Variants in KIRREL3 observed in about 807,000 individuals in gnomAD.
The protein encoded by KIRREL3 is kirre like nephrin family adhesion molecule 3.
In KIRREL3, 36 loss-of-function variants were observed where a neutral mutation model predicts 89.7. The ratio of observed to expected loss-of-function variants is 0.40; its 90% CI spans 0.31 to 0.53. The LOEUF (loss-of-function observed/expected upper bound fraction) is 0.53, where lower values mean the gene tolerates loss of function less well. Among genes scored for constraint, KIRREL3 ranks in the 20% least tolerant of loss-of-function variants. The probability of loss-of-function intolerance (pLI) is 0.49; values close to 1 mark genes in which losing one functional copy is unlikely to be tolerated. For synonymous variants in KIRREL3, 445 were observed against 441.4 expected (o/e 1.01, Z -0.10); for missense variants, 864 against 1,056.6 (o/e 0.82, Z 2.53).
chr11:126,596,493 G>A (rs1289324466), intron 1 of KIRREL3, among the ~76,000 whole-genome samples: 1 of 152,236 alleles, frequency 6.6e-6, no homozygotes, highest in Non-Finnish European at 1.5e-5. Flanking sequence ...CCTTCTGAAG[G>A]GGGGAAGGTA....
Position 126,520,458 on chromosome 11 carries a change from AG to A in KIRREL3, c.433+856del, listed in dbSNP as rs1958549395. ...AGTCCCTGTCCCACCGAGCAGCGTC[AG>A]GAACAGCGGAGGTCATGTGCCTGAA... On this transcript the variant is annotated intron_variant, in intron 4 of 16. Coordinates refer to ENST00000525144, the MANE Select transcript of KIRREL3 (RefSeq NM_032531.4). The surrounding 1 kb of genome is among the most constrained non-coding windows in gnomAD (Gnocchi z 4.9). Among the ~76,000 whole-genome samples the A allele has an allele frequency of 6.6e-6, 1 of 152,218 alleles. No homozygotes were observed. The highest frequency in any genetic ancestry group is 2.1e-4 in the South Asian group (1 of 4,834).
At chr11:126,856,841 C>T (rs1288463206) in intron 1 of KIRREL3, among the ~76,000 whole-genome samples, 1 of 152,092 alleles carries the variant, frequency 6.6e-6, no homozygotes, top group African/African-American at 2.4e-5. Context: ...GATCCACTCA[C>T]CTCGGCCTCC....
At position 126,475,288 on chromosome 11, in the gene KIRREL3, C is replaced by A. The variant is rs1957033495; in HGVS notation, c.434-1822G>T. On this transcript the variant is annotated intron_variant, in intron 4 of 16. Coordinates refer to ENST00000525144, the MANE Select transcript of KIRREL3 (RefSeq NM_032531.4). The surrounding 1 kb of genome is among the most constrained non-coding windows in gnomAD (Gnocchi z 7.5). The stretch of plus-strand genomic sequence containing the variant: ...GGCTCAGCCTTCCAGCCTCAGCCTG[C>A]ATGGGAACTTCCCTCCCCTTCTCAG... 6.6e-6 allele frequency among the ~76,000 whole-genome samples: 1 copy of A among 152,160 alleles called. No individual in the cohort carries two copies. Among genetic ancestry groups the A allele is most frequent in the Admixed American group, 6.5e-5 (1 of 15,276 alleles).
chr11:126,974,595 G>C (rs1286995), intron 1 of KIRREL3, among the ~76,000 whole-genome samples: 1 of 139,886 alleles, frequency 7.1e-6, no homozygotes, highest in East Asian at 2.1e-4. Flanking sequence ...GGTATAGCCC[G>C]TTACACACCT....
rs7947957 is a variant in KIRREL3, at chr11:126,515,066, G to A, written c.433+6249C>T. 0.33 allele frequency among the ~76,000 whole-genome samples: 50,035 copies of A among 152,044 alleles called. 8,638 individuals are homozygous for A. Among genetic ancestry groups the A allele is most frequent in the Admixed American group, 0.39 (5,953 of 15,286 alleles). ...GATGAAAGATGCTCCCAGGAGACCC[G>A]GTGGGGGAAACAGACATGAAAACAG... On this transcript the variant is annotated intron_variant, in intron 4 of 16. Coordinates refer to ENST00000525144, the MANE Select transcript of KIRREL3 (RefSeq NM_032531.4). The surrounding 1 kb of genome is among the most constrained non-coding windows in gnomAD (Gnocchi z 4.2).
In KIRREL3 at chr11:126,747,160, G is replaced by T. The variant is rs1949180346; in HGVS notation, c.56-184248C>A. ...TTTTCCTTCCCCATCAAATGAGCAA[G>T]TTGGCCTCATAGCATAGAGCTTGGC... is the stretch of plus-strand genomic sequence containing the variant. On this transcript the variant is annotated intron_variant, in intron 1 of 16. Coordinates refer to ENST00000525144, the MANE Select transcript of KIRREL3 (RefSeq NM_032531.4). This position sits in a 1 kb window ranked among gnomAD's most constrained non-coding sequence, Gnocchi z 4.7. Among the ~76,000 whole-genome samples the T allele has an allele frequency of 6.6e-6, 1 of 152,230 alleles. No individual in the cohort carries two copies. The highest frequency in any genetic ancestry group is 1.5e-5 in the Non-Finnish European group (1 of 68,044).
intron 2 of KIRREL3, among the ~76,000 whole-genome samples, chr11:126,542,484 A>G (rs191309349): frequency 3.1e-4 from 47 of 152,330 alleles, no homozygotes; most frequent in Non-Finnish European, 3.1e-4. Flanking sequence ...ACATTTGAAT[A>G]TGGATATGTT....
Position 126,563,441 on chromosome 11 carries a change from G to A in KIRREL3, c.56-529C>T, listed in dbSNP as rs1387703572. Among the ~76,000 whole-genome samples the A allele has an allele frequency of 1.3e-5, 2 of 152,196 alleles. No individual in the cohort carries two copies. The highest frequency in any genetic ancestry group is 2.9e-5 in the Non-Finnish European group (2 of 68,032). On this transcript the variant is annotated intron_variant, in intron 1 of 16. Coordinates refer to ENST00000525144, the MANE Select transcript of KIRREL3 (RefSeq NM_032531.4). This position sits in a 1 kb window ranked among gnomAD's most constrained non-coding sequence, Gnocchi z 6.8. ...GATTGCGTGAGTTTAGGGCAGCGGG[G>A]CGACACAGAGGTTAAGGTATAGGCA...
chr11:126,447,956 G>T (rs947381545), intron 8 of KIRREL3, among the ~76,000 whole-genome samples: 1 of 152,214 alleles, frequency 6.6e-6, no homozygotes, highest in Admixed American at 6.5e-5. Context: ...ATGGCAGTGC[G>T]CTGCCTTGCT....
In KIRREL3 at chr11:126,906,638, G is replaced by A. The variant is rs1181140777; in HGVS notation, c.55+93817C>T. 1.3e-5 allele frequency among the ~76,000 whole-genome samples: 2 copies of A among 152,126 alleles called. No individual in the cohort carries two copies. Among genetic ancestry groups the A allele is most frequent in the Admixed American group, 6.5e-5 (1 of 15,272 alleles). Reference sequence around the variant, plus strand: ...TTTCACTGTTTTTTTTAGCATGTATGGGAACATTATATTCACCAAAAATCA... The same window carrying A: ...TTTCACTGTTTTTTTTAGCATGTATAGGAACATTATATTCACCAAAAATCA... On this transcript the variant is annotated intron_variant, in intron 1 of 16. Transcript: ENST00000525144. The surrounding 1 kb of genome is among the most constrained non-coding windows in gnomAD (Gnocchi z 4.1).
intron 1 of KIRREL3, among the ~76,000 whole-genome samples, chr11:126,992,919 C>T (rs1364817861): frequency 6.6e-6 from 1 of 152,168 alleles, no homozygotes; most frequent in African/African-American, 2.4e-5. Flanking sequence ...TTCTCTTCCA[C>T]ATTCTTTAGC....
chr11:126,804,348 C>T (rs1468760738), intron 1 of KIRREL3, among the ~76,000 whole-genome samples: 1 of 152,174 alleles, frequency 6.6e-6, no homozygotes, highest in African/African-American at 2.4e-5. Context: ...AAGCCTATTA[C>T]AGAGCATAAG....
At chr11:126,699,447 C>T (rs1214591732) in intron 1 of KIRREL3, among the ~76,000 whole-genome samples, 1 of 152,156 alleles carries the variant, frequency 6.6e-6, no homozygotes, top group Non-Finnish European at 1.5e-5. Context: ...ATAATGCGAG[C>T]TGCAGCTGCA....
chr11:126,466,967 G>C (rs1379774927), intron 5 of KIRREL3, among the ~76,000 whole-genome samples: 1 of 152,248 alleles, frequency 6.6e-6, no homozygotes, highest in Non-Finnish European at 1.5e-5. Flanking sequence ...GGCTCGCCCA[G>C]GTTGCCCATG....
rs2134428869 is a variant in KIRREL3, at chr11:126,521,346, G to A, written c.402C>T (p.Ile134=). The change falls in exon 4 of 17, where the codon ATC becomes ATT. Residue 134 remains isoleucine (I), a synonymous_variant. Coordinates refer to ENST00000525144, the MANE Select transcript of KIRREL3 (RefSeq NM_032531.4). The surrounding 1 kb of genome is among the most constrained non-coding windows in gnomAD (Gnocchi z 4.1). ...VYECQAIQAA[I]RSRPARLTVL... is the part of the protein sequence containing the mutation. Reference sequence around the variant, plus strand: ...CTGTGAGGCGTGCGGGGCGGGAGCGGATGGCGGCCTGGATGGCCTGGCACT... The same window carrying A: ...CTGTGAGGCGTGCGGGGCGGGAGCGAATGGCGGCCTGGATGGCCTGGCACT... 1 of 1,553,430 alleles carries A rather than the reference G, an allele frequency of 6.4e-7. No individual in the cohort carries two copies. The highest frequency in any genetic ancestry group is 1.4e-5 in the African/African-American group (1 of 73,294).
chr11:126,445,105 C>A lies in KIRREL3; in HGVS notation c.1126G>T (p.Val376Phe), dbSNP rs762229133. The stretch of plus-strand genomic sequence containing the variant: ...GTCAGGGTCTTCTCATTGCTCAGGA[C>A]CTAGGAGAATTGGCAGGCTCAGATG... ...IVWMKRGSGV[V>F]LSNEKTLTLK... The change falls in exon 10 of 17, where the codon GTC becomes TTC. Residue 376 changes from valine (V) to phenylalanine (F), a missense_variant and splice_region_variant. By Grantham distance (50) the Val-to-Phe change is conservative. Coordinates refer to ENST00000525144, the MANE Select transcript of KIRREL3 (RefSeq NM_032531.4). 1 of 1,613,888 alleles carries A rather than the reference C, an allele frequency of 6.2e-7. No individual in the cohort carries two copies. The highest frequency in any genetic ancestry group is 8.5e-7 in the Non-Finnish European group (1 of 1,179,850).
intron 1 of KIRREL3, among the ~76,000 whole-genome samples, chr11:126,964,719 AG>A (rs1949211908): frequency 6.6e-6 from 1 of 152,158 alleles, no homozygotes; most frequent in East Asian, 1.9e-4. Context: ...GAAGACCCTG[AG>A]GTTCTATGCA....
Position 126,880,090 on chromosome 11 carries a change from T to TG in KIRREL3, c.55+120364_55+120365insC, listed in dbSNP as rs200892619. Among the ~76,000 whole-genome samples, 3 of 152,318 alleles carry TG rather than the reference T, an allele frequency of 2.0e-5. No homozygotes were observed. In the East Asian group the frequency reaches 5.8e-4, roughly 29 times the overall value. ...CCTGTCCTTTCTTGGATGAATGGAT[T>TG]AGCCAATACAGATGTGCGAATTATC... On this transcript the variant is annotated intron_variant, in intron 1 of 16. Transcript: ENST00000525144.
intron 1 of KIRREL3, among the ~76,000 whole-genome samples, chr11:126,757,883 T>C (rs777585313): frequency 4.6e-5 from 7 of 152,226 alleles, no homozygotes; most frequent in Non-Finnish European, 7.3e-5. Flanking sequence ...GACCATGTGA[T>C]ACTAGCCCCA....
Sources: gnomAD v4.1 joint callset for allele counts (sites outside exome capture counted in the v4.1 genomes callset) on GRCh38, gnomAD v4.1.1 for gene constraint, Gnocchi (gnomAD v3.1) non-coding constraint, MANE v1.5 for transcripts, NCBI Gene and HGNC (gene_info 2026-07-23, HGNC 2026-07-21) for gene names.